Variants in MSL2 observed in about 807,000 individuals in gnomAD.
The protein encoded by MSL2 is MSL complex subunit 2.
A neutral mutation model predicts 35.8 loss-of-function variants in MSL2; 2 were observed. The observed-to-expected ratio is 0.06, with a 90% CI of 0.02 to 0.18. The LOEUF (loss-of-function observed/expected upper bound fraction) is 0.18, where lower values mean the gene tolerates loss of function less well. Among genes scored for constraint, MSL2 ranks in the 10% least tolerant of loss-of-function variants. MSL2 has a pLI of 1.00. For missense variants in MSL2, 523 were observed against 706.7 expected, an observed-to-expected ratio of 0.74 and a Z score of 2.95; for synonymous variants, 296 against 255.7, an observed-to-expected ratio of 1.16 and a Z score of -1.50.
chr3:136,195,427 G>C lies in MSL2; in HGVS notation c.-314C>G, dbSNP rs1011997983. On this transcript the variant is annotated 5_prime_UTR_variant, in exon 1 of 2. Transcript: ENST00000309993. ...TTGGGCGCTCGGGGCGGGACTCGGAGCTCAGTCTAGCCCCGCGGCTCGGCA... is the reference window on the plus strand; with the variant it reads ...TTGGGCGCTCGGGGCGGGACTCGGACCTCAGTCTAGCCCCGCGGCTCGGCA... 3 of 1,114,520 alleles carry C rather than the reference G, an allele frequency of 2.7e-6. No homozygotes were observed. Among genetic ancestry groups the C allele is most frequent in the Non-Finnish European group, 2.2e-6 (2 of 910,160 alleles). The allele number at this position is 1,114,520 out of a possible 1,614,324, so 69.0% of individuals were successfully genotyped here. A position where few individuals can be genotyped will look rare whatever the true frequency, so the allele number is the denominator to read the frequency against.
chr3:136,157,836 T>A (rs1324714331), intron 1 of MSL2, among the ~76,000 whole-genome samples: 5 of 152,194 alleles, frequency 3.3e-5, no homozygotes, highest in Admixed American at 1.3e-4. Context: ...TAATAAAAGT[T>A]TTAAATAGCC....
intron 1 of MSL2, among the ~76,000 whole-genome samples, chr3:136,158,245 G>A (rs777054499): frequency 5.5e-4 from 84 of 151,780 alleles, no homozygotes; most frequent in Non-Finnish European, 9.7e-4. Flanking sequence ...CCAGGAGGCG[G>A]AGGCTGCGGT....
Position 136,195,292 on chromosome 3 carries a change from C to CATGGG in MSL2, c.-184_-180dup. On this transcript the variant is annotated 5_prime_UTR_variant, in exon 1 of 2. In the 5' UTR this introduces an upstream ATG that the reference lacks. Transcript: ENST00000309993. ...GTGGAGCTGAAACAATCCTCCCACA[C>CATGGG]ATGGGGCCTTGGCGCCCCTCCGTCC... 1 of 1,422,096 alleles carries CATGGG rather than the reference C, an allele frequency of 7.0e-7. No individual in the cohort carries two copies. The highest frequency in any genetic ancestry group is 9.1e-7 in the Non-Finnish European group (1 of 1,094,128). The allele number at this position is 1,422,096 out of a possible 1,614,324, so 88.1% of individuals were successfully genotyped here.
intron 1 of MSL2, among the ~76,000 whole-genome samples, chr3:136,156,697 T>C (rs1374759858): frequency 2.0e-5 from 3 of 151,870 alleles, no homozygotes; most frequent in African/African-American, 7.3e-5. Context: ...ACCCCATCAA[T>C]ACAAAAAATT....
intron 1 of MSL2, 59 bp downstream of exon 1, chr3:136,194,913 A>C: frequency 6.2e-7 from 1 of 1,608,930 alleles, no homozygotes. Flanking sequence ...TCACGTTACC[A>C]CTGCCCAGAA....
At chr3:136,180,495 T>C (rs549199578) in intron 1 of MSL2, among the ~76,000 whole-genome samples, 3 of 149,074 alleles carry the variant, frequency 2.0e-5, no homozygotes, top group East Asian at 4.0e-4. Flanking sequence ...AGATCAGGAG[T>C]TCAAGACCAG....
intron 1 of MSL2, among the ~76,000 whole-genome samples, chr3:136,184,091 A>C (rs550806748): frequency 5.3e-5 from 8 of 151,426 alleles, no homozygotes; most frequent in Admixed American, 2.6e-4. Flanking sequence ...GTCAGGAGAT[A>C]GAGACCATCC....
rs1003486833 is a variant in MSL2, at chr3:136,180,407, G to A, written c.142+14565C>T. Among the ~76,000 whole-genome samples the A allele has an allele frequency of 3.6e-4, 54 of 151,992 alleles. 1 individual carries two copies. Among genetic ancestry groups the A allele is most frequent in the Non-Finnish European group, 5.9e-5 (4 of 67,998 alleles). The stretch of plus-strand genomic sequence containing the variant: ...CTTTTTGAAATATTACCAAGGACCT[G>A]TTCAGATACAGGATGTTAACACAGA... On this transcript the variant is annotated intron_variant, in intron 1 of 1. Coordinates refer to ENST00000309993, the MANE Select transcript of MSL2 (RefSeq NM_018133.4).
chr3:136,163,374 G>A (rs1400192366), intron 1 of MSL2, among the ~76,000 whole-genome samples: 1 of 152,192 alleles, frequency 6.6e-6, no homozygotes, highest in African/African-American at 2.4e-5. Context: ...CTATGTGTGT[G>A]TGTATTTCCT....
intron 1 of MSL2, among the ~76,000 whole-genome samples, chr3:136,192,544 A>T (rs1940719948): frequency 6.6e-6 from 1 of 152,144 alleles, no homozygotes; most frequent in Non-Finnish European, 1.5e-5. Flanking sequence ...TTTAGAAAAA[A>T]GTAGTGTTTT....
chr3:136,167,870 A>G (rs1039048273), intron 1 of MSL2, among the ~76,000 whole-genome samples: 1 of 152,186 alleles, frequency 6.6e-6, no homozygotes, highest in African/African-American at 2.4e-5. Context: ...AAAGAGAAAA[A>G]TAACAGTACA....
chr3:136,193,803 C>CAG (rs1391546681), intron 1 of MSL2, among the ~76,000 whole-genome samples: 1 of 151,812 alleles, frequency 6.6e-6, no homozygotes, highest in African/African-American at 2.4e-5. Context: ...TGTCACCAGT[C>CAG]AGAGTAGCAC....
At chr3:136,177,582 G>A (rs1307888598) in intron 1 of MSL2, among the ~76,000 whole-genome samples, 1 of 151,728 alleles carries the variant, frequency 6.6e-6, no homozygotes, top group Non-Finnish European at 1.5e-5. Context: ...GGGAGGCTGA[G>A]GCAGGAGAAT....
chr3:136,189,135 A>AACAC (rs1553768116), intron 1 of MSL2, among the ~76,000 whole-genome samples: 79 of 121,694 alleles, frequency 6.5e-4, no homozygotes, highest in Middle Eastern at 4.1e-3. Flanking sequence ...AAAAAAAAAA[A>AACAC]ACACACACAC....
chr3:136,182,201 C>T (rs1940387241), intron 1 of MSL2, among the ~76,000 whole-genome samples: 2 of 152,082 alleles, frequency 1.3e-5, no homozygotes, highest in African/African-American at 4.8e-5. Flanking sequence ...TGAGCATTTA[C>T]AATGTTGTTA....
intron 1 of MSL2, among the ~76,000 whole-genome samples, chr3:136,192,830 C>CT (rs1372590277): frequency 6.6e-6 from 1 of 152,152 alleles, no homozygotes; most frequent in Non-Finnish European, 1.5e-5. Flanking sequence ...TGCACTAATG[C>CT]TTTTCAGCTA....
At chr3:136,158,818 A>G (rs1939608893) in intron 1 of MSL2, among the ~76,000 whole-genome samples, 1 of 152,212 alleles carries the variant, frequency 6.6e-6, no homozygotes, top group South Asian at 2.1e-4. Context: ...CCATTTCTAT[A>G]TGCTAGGAAT....
intron 1 of MSL2, among the ~76,000 whole-genome samples, chr3:136,158,704 T>G (rs1186343547): frequency 1.3e-5 from 2 of 152,162 alleles, no homozygotes; most frequent in East Asian, 3.8e-4. Context: ...CAATTCTGCT[T>G]ACAGAAAATC....
intron 1 of MSL2, among the ~76,000 whole-genome samples, chr3:136,164,241 AAT>A (rs1169326485): frequency 6.6e-6 from 1 of 152,208 alleles, no homozygotes; most frequent in Non-Finnish European, 1.5e-5. Context: ...TAATCCAGCT[AAT>A]ATGTTAATCA....
Sources: allele counts gnomAD v4.1 joint callset (sites outside exome capture counted in the v4.1 genomes callset), GRCh38; gene constraint gnomAD v4.1.1; transcripts MANE v1.5; gene names NCBI Gene and HGNC (gene_info 2026-07-23, HGNC 2026-07-21).